The following CCDC30 variants were observed in gnomAD, a reference collection of about 807,000 sequenced individuals.
The protein encoded by CCDC30 is coiled-coil domain containing 30.
CCDC30 carries 70 observed loss-of-function variants against 100.2 expected under a neutral mutation model. The ratio of observed to expected loss-of-function variants is 0.70; its 90% CI spans 0.58 to 0.85. The LOEUF (loss-of-function observed/expected upper bound fraction) is 0.85. Among genes scored for constraint, CCDC30 ranks in the 40% least tolerant of loss-of-function variants. The pLI, the probability that CCDC30 is intolerant of heterozygous loss-of-function variation, is 0.00. For synonymous variants in CCDC30, 233 were observed against 269.5 expected, an observed-to-expected ratio of 0.86 and a Z score of 1.33; for missense variants, 652 against 771.2, an observed-to-expected ratio of 0.85 and a Z score of 1.83.
At chr1:42,653,909 C>T in exon 17 of CCDC30, 1 of 1,613,998 alleles carries the variant, frequency 6.2e-7, no homozygotes, top group Non-Finnish European at 8.5e-7. Context: ...TTCAAAGTCC[C>T]CTGAAAAGTC....
intron 6 of CCDC30, among the ~76,000 whole-genome samples, chr1:42,565,407 G>A (rs1343762020): frequency 1.3e-5 from 2 of 152,184 alleles, no homozygotes; most frequent in Non-Finnish European, 2.9e-5. Flanking sequence ...AAAAGAAGAT[G>A]TGCAAAAGGC....
intron 6 of CCDC30, among the ~76,000 whole-genome samples, chr1:42,515,604 C>T (rs371560783): frequency 1.2e-4 from 19 of 152,324 alleles, no homozygotes; most frequent in African/African-American, 4.3e-4. Flanking sequence ...CCTACTAGTA[C>T]CTTAATCTTA....
At chr1:42,614,467 G>T (rs1646686887) in intron 11 of CCDC30, among the ~76,000 whole-genome samples, 1 of 151,736 alleles carries the variant, frequency 6.6e-6, no homozygotes, top group African/African-American at 2.4e-5. Flanking sequence ...AAATGTTTGT[G>T]CCCATATTAC....
intron 6 of CCDC30, among the ~76,000 whole-genome samples, chr1:42,548,040 T>C (rs1224946531): frequency 2.0e-5 from 3 of 152,106 alleles, no homozygotes; most frequent in Non-Finnish European, 4.4e-5. Flanking sequence ...AGGGGAGATA[T>C]GGCATGTTCA....
At chr1:42,645,938 T>G (rs978015604) in intron 14 of CCDC30, among the ~76,000 whole-genome samples, 197 bp from the exon 19 acceptor site, 2 of 152,226 alleles carry the variant, frequency 1.3e-5, no homozygotes, top group African/African-American at 2.4e-5. Context: ...AGTGCTGAGT[T>G]AGAAGACTTA....
chr1:42,635,438 T>C (rs145386356), intron 11 of CCDC30, among the ~76,000 whole-genome samples: 1 of 152,348 alleles, frequency 6.6e-6, no homozygotes, highest in East Asian at 1.9e-4. Context: ...GCTATGAACA[T>C]TTGTGTATAA....
intron 6 of CCDC30, among the ~76,000 whole-genome samples, chr1:42,560,586 G>C (rs921675709): frequency 1.3e-5 from 2 of 152,018 alleles, no homozygotes; most frequent in Non-Finnish European, 2.9e-5. Flanking sequence ...GGCCAGGCTG[G>C]TCTCGAACAC....
At chr1:42,606,215 T>TAGTACACTGC (rs1646498977) in intron 10 of CCDC30, among the ~76,000 whole-genome samples, 8 of 152,222 alleles carry the variant, frequency 5.3e-5, no homozygotes, top group Non-Finnish European at 8.8e-5. Flanking sequence ...TAAAATTAAC[T>TAGTACACTGC]ATAGTACACA....
At chr1:42,604,596 G>A (rs956118501) in intron 10 of CCDC30, among the ~76,000 whole-genome samples, 1 of 152,180 alleles carries the variant, frequency 6.6e-6, no homozygotes, top group African/African-American at 2.4e-5. Context: ...TCCACACCTC[G>A]AATTGTGAAA....
intron 6 of CCDC30, chr1:42,509,980 T>C: frequency 2.3e-6 from 2 of 855,364 alleles, no homozygotes; most frequent in Non-Finnish European, 2.8e-6. Context: ...TTTGGGGAAA[T>C]TAACTTTTCC....
the CCDC30 span, chr1:42,456,838 C>T: frequency 6.2e-7 from 1 of 1,613,540 alleles, no homozygotes; most frequent in South Asian, 1.1e-5. Flanking sequence ...CTGCCTTCCC[C>T]TATGCCCACC....
chr1:42,511,026 G>C (rs1413789241), intron 6 of CCDC30, among the ~76,000 whole-genome samples: 1 of 152,002 alleles, frequency 6.6e-6, no homozygotes, highest in East Asian at 1.9e-4. Context: ...AAGATGGTCT[G>C]TTACCCATTT....
intron 6 of CCDC30, among the ~76,000 whole-genome samples, chr1:42,557,951 T>C (rs1295854887): frequency 6.6e-6 from 1 of 152,090 alleles, no homozygotes; most frequent in African/African-American, 2.4e-5. Context: ...AAAAGACCCC[T>C]GTGTACTTAC....
At chr1:42,512,890 G>A (rs1644501036) in intron 6 of CCDC30, among the ~76,000 whole-genome samples, 1 of 152,164 alleles carries the variant, frequency 6.6e-6, no homozygotes, top group Admixed American at 6.5e-5. Context: ...CCTCACCCCT[G>A]TGTCTTGTAA....
chr1:42,473,423 G>A (rs1643831019), intron 1 of CCDC30: 2 of 502,596 alleles, frequency 4.0e-6, no homozygotes, highest in African/African-American at 2.0e-5. Flanking sequence ...AAGCACCCAC[G>A]TGTAGACCTT....
intron 6 of CCDC30, among the ~76,000 whole-genome samples, chr1:42,504,430 G>T (rs1160467): frequency 6.6e-6 from 1 of 152,094 alleles, no homozygotes; most frequent in Admixed American, 6.5e-5. Flanking sequence ...GCAGAAAAGG[G>T]GTGCCCTGTG....
chr1:42,526,974 T>G lies in CCDC30; in HGVS notation c.456+28058T>G, dbSNP rs572606769. ...TTATCTGGGTTTGTTTTTGTTTTTG[T>G]TTTTTTGCGTGTGTTCACCATTTCA... On this transcript the variant is annotated intron_variant, in intron 6 of 16. Coordinates refer to ENST00000668663, the Ensembl canonical transcript of CCDC30. Among the ~76,000 whole-genome samples, 18 of 152,272 alleles carry G rather than the reference T, an allele frequency of 1.2e-4. No homozygotes were observed. The East Asian group carries it at 3.1e-3, about 26-fold the overall frequency.
At chr1:42,590,063 C>T (rs1194601096) in intron 10 of CCDC30, 2 of 152,254 alleles carry the variant, frequency 1.3e-5, no homozygotes, top group Non-Finnish European at 2.9e-5. Context: ...ATGCTGTCCT[C>T]ACGATAATGA....
chr1:42,456,728 C>A, the CCDC30 span: 41 of 1,609,356 alleles, frequency 2.5e-5, no homozygotes, highest in Non-Finnish European at 3.4e-5. Flanking sequence ...GCGGCCGGTG[C>A]GCTTCCTGGA....
Sources: allele counts gnomAD v4.1 joint callset (sites outside exome capture counted in the v4.1 genomes callset), GRCh38; gene constraint gnomAD v4.1.1; transcripts MANE v1.5; gene names NCBI Gene and HGNC (gene_info 2026-07-23, HGNC 2026-07-21).